Variants in SNTG1 observed in about 807,000 individuals in gnomAD.
The protein encoded by SNTG1 is syntrophin gamma 1.
Under a neutral mutation model 74.7 loss-of-function variants are expected in SNTG1, and 39 were observed. The ratio of observed to expected loss-of-function variants is 0.52; its 90% confidence interval spans 0.40 to 0.68. The LOEUF is 0.68. Among genes scored for constraint, SNTG1 ranks in the 30% least tolerant of loss-of-function variants. The pLI is 0.00. For synonymous variants in SNTG1, 254 were observed against 217.1 expected (o/e 1.17, Z -1.49); for missense variants, 685 against 609.5 (o/e 1.12, Z -1.30).
intron 1 of SNTG1, among the ~76,000 whole-genome samples, chr8:50,151,489 T>A (rs1278094453): frequency 6.6e-6 from 1 of 152,216 alleles, no homozygotes; most frequent in Admixed American, 6.5e-5. Context: ...CTAGTTCTTT[T>A]AATTGTGATG....
chr8:50,229,001 G>A (rs551160652), intron 2 of SNTG1, among the ~76,000 whole-genome samples: 12 of 151,766 alleles, frequency 7.9e-5, no homozygotes, highest in Non-Finnish European at 1.8e-4. Flanking sequence ...AGAGGTGAGA[G>A]AGTAATTGGG....
At position 50,793,072 on chromosome 8, in the gene SNTG1, A is replaced by G; in HGVS notation, c.*243A>G. On this transcript the variant is annotated 3_prime_UTR_variant, in exon 19 of 19. Coordinates refer to ENST00000642720, the MANE Select transcript of SNTG1 (RefSeq NM_018967.5). Reference sequence around the variant, plus strand: ...TCAGTTGCTTTGTACCAGTAAGTGTATTGCTTTCACCAAAAGTGGAGACAA... The same window carrying G: ...TCAGTTGCTTTGTACCAGTAAGTGTGTTGCTTTCACCAAAAGTGGAGACAA... 5.8e-6 allele frequency: 2 copies of G among 344,676 alleles called. No individual in the cohort carries two copies. The highest frequency in any genetic ancestry group is 1.0e-5 in the Non-Finnish European group (2 of 192,866). 21.4% of individuals were successfully genotyped at this position (344,676 alleles called of 1,614,324 possible). A position where few individuals can be genotyped will look rare whatever the true frequency, so the allele number is the denominator to read the frequency against.
intron 13 of SNTG1, among the ~76,000 whole-genome samples, chr8:50,632,629 T>A (rs542398786): frequency 1.3e-5 from 2 of 152,308 alleles, no homozygotes; most frequent in South Asian, 4.1e-4. Flanking sequence ...TAATCTCTTA[T>A]TAGGTTAAGA....
chr8:50,081,040 T>A (rs1055103052), intron 1 of SNTG1, among the ~76,000 whole-genome samples: 1 of 152,140 alleles, frequency 6.6e-6, no homozygotes, highest in African/African-American at 2.4e-5. Flanking sequence ...TATCTATGTA[T>A]AATATCTATA....
At chr8:50,564,669 T>C (rs956435964) in intron 12 of SNTG1, among the ~76,000 whole-genome samples, 5 of 152,100 alleles carry the variant, frequency 3.3e-5, no homozygotes, top group Non-Finnish European at 7.4e-5. Context: ...TACAATGATA[T>C]TTAAGATGTT....
intron 2 of SNTG1, among the ~76,000 whole-genome samples, chr8:50,211,641 TG>T (rs2131913660): frequency 6.6e-6 from 1 of 152,244 alleles, no homozygotes; most frequent in Admixed American, 6.6e-5. Flanking sequence ...CTAAGAGAAA[TG>T]AAACAATTAT....
At chr8:50,097,881 A>G (rs1183073475) in intron 1 of SNTG1, among the ~76,000 whole-genome samples, 2 of 152,138 alleles carry the variant, frequency 1.3e-5, no homozygotes, top group Admixed American at 6.6e-5. Context: ...ATTTCATTCA[A>G]ATTTGTTTAT....
chr8:50,076,485 G>A (rs957248447), intron 1 of SNTG1, among the ~76,000 whole-genome samples: 1 of 152,010 alleles, frequency 6.6e-6, no homozygotes, highest in Non-Finnish European at 1.5e-5. Context: ...TATAAAATAT[G>A]ACCACAAAAT....
intron 2 of SNTG1, among the ~76,000 whole-genome samples, chr8:50,280,907 A>T (rs2088404258): frequency 6.8e-6 from 1 of 146,804 alleles, no homozygotes; most frequent in Admixed American, 7.1e-5. Context: ...TAATCCCAGC[A>T]CTCTGGGAGG....
intron 9 of SNTG1, among the ~76,000 whole-genome samples, chr8:50,510,092 A>G (rs1188450886): frequency 6.6e-6 from 1 of 152,196 alleles, no homozygotes; most frequent in Non-Finnish European, 1.5e-5. Flanking sequence ...ACATCCCATC[A>G]ATAACTAATT....
intron 2 of SNTG1, among the ~76,000 whole-genome samples, chr8:50,276,688 T>G (rs906138845): frequency 1.3e-5 from 2 of 152,054 alleles, no homozygotes; most frequent in Non-Finnish European, 2.9e-5. Context: ...CCTGAAGTAT[T>G]AAATATCAAA....
Position 50,462,796 on chromosome 8 carries a change from C to CTTTTTTTTTTTTTT in SNTG1, c.363+12093_363+12106dup, listed in dbSNP as rs869119447. ...CTCAGTCGCATCTTCAGGTTCTACT[C>CTTTTTTTTTTTTTT]TTTTTTTTTTTTTTTTTTTTTTTTT... On this transcript the variant is annotated intron_variant, in intron 8 of 18. Transcript: ENST00000642720. 1.2e-4 allele frequency among the ~76,000 whole-genome samples: 7 copies of CTTTTTTTTTTTTTT among 57,470 alleles called. 1 individual carries two copies. Among genetic ancestry groups the CTTTTTTTTTTTTTT allele is most frequent in the Admixed American group, 2.5e-4 (1 of 4,054 alleles). 37.7% of individuals were successfully genotyped at this position (57,470 alleles called of 152,430 possible).
chr8:50,210,657 C>A (rs1480529229), intron 2 of SNTG1, among the ~76,000 whole-genome samples: 1 of 152,080 alleles, frequency 6.6e-6, no homozygotes, highest in East Asian at 1.9e-4. Flanking sequence ...GAAGTAAATT[C>A]CTTTACAGAC....
At chr8:50,670,525 T>G (rs74668973) in intron 15 of SNTG1, among the ~76,000 whole-genome samples, 49,459 of 147,442 alleles carry the variant, frequency 0.34, 10,987 homozygotes, top group African/African-American at 0.62. Flanking sequence ...ACAAACCACT[T>G]CTCAAGGAAA....
chr8:50,754,114 A>C (rs149245455), intron 18 of SNTG1, among the ~76,000 whole-genome samples: 291 of 152,110 alleles, frequency 1.9e-3, no homozygotes, highest in African/African-American at 6.6e-3. Flanking sequence ...ACTTGTGAGC[A>C]GTAAGCTAAC....
chr8:49,964,394 A>G (rs1247690400), intron 1 of SNTG1, among the ~76,000 whole-genome samples: 3 of 152,230 alleles, frequency 2.0e-5, no homozygotes, highest in Non-Finnish European at 4.4e-5. Flanking sequence ...GCATGATCAC[A>G]TGAGCCAATA....
chr8:50,113,652 G>T (rs1462824430), intron 1 of SNTG1, among the ~76,000 whole-genome samples: 1 of 152,144 alleles, frequency 6.6e-6, no homozygotes, highest in Non-Finnish European at 1.5e-5. Context: ...GGGCATCCCT[G>T]TCTTGTGCCA....
intron 1 of SNTG1, among the ~76,000 whole-genome samples, chr8:50,005,140 C>A (rs938149340): frequency 1.3e-5 from 2 of 151,962 alleles, no homozygotes. Flanking sequence ...AAATCTATTT[C>A]TTGATACTGT....
At chr8:50,453,335 A>G (rs2093473340) in intron 8 of SNTG1, among the ~76,000 whole-genome samples, 4 of 152,174 alleles carry the variant, frequency 2.6e-5, no homozygotes, top group Admixed American at 1.3e-4. Flanking sequence ...TACTGTATAT[A>G]TTTCTCATGG....
Sources: gnomAD v4.1 joint callset for allele counts (sites outside exome capture counted in the v4.1 genomes callset) on GRCh38, gnomAD v4.1.1 for gene constraint, MANE v1.5 for transcripts, NCBI Gene and HGNC (gene_info 2026-07-23, HGNC 2026-07-21) for gene names.